The following RFX8 variants were observed in gnomAD, a reference collection of about 807,000 sequenced individuals.
The protein encoded by RFX8 is DNA-binding protein RFX8.
RFX8 carries 46 observed loss-of-function variants against 54.6 expected under a neutral mutation model. The ratio of observed to expected loss-of-function variants is 0.84; its 90% CI spans 0.67 to 1.08. The LOEUF is 1.08. RFX8 is among the 50% of genes least tolerant of loss of function. The probability of loss-of-function intolerance (pLI) is 0.00; values close to 1 mark genes in which losing one functional copy is unlikely to be tolerated. For missense variants in RFX8, 536 were observed against 562.3 expected (o/e 0.95, Z 0.47); for synonymous variants, 192 against 209.5 (o/e 0.92, Z 0.72).
intron 2 of RFX8, among the ~76,000 whole-genome samples, chr2:101,461,955 G>A (rs1028775542): frequency 6.6e-6 from 1 of 152,104 alleles, no homozygotes; most frequent in African/African-American, 2.4e-5. Context: ...ATTTGTCTAA[G>A]AATACCATGA....
intron 1 of RFX8, chr2:101,474,405 G>A (rs1375384214): frequency 1.6e-5 from 6 of 380,690 alleles, no homozygotes; most frequent in Admixed American, 1.4e-4. Flanking sequence ...GGGGGCGCGC[G>A]GGGCGCGGGG....
In RFX8 at chr2:101,439,596, C is replaced by CTTTTTTTT. The variant is rs139433618; in HGVS notation, c.73-17125_73-17124insAAAAAAAA. Among the ~76,000 whole-genome samples, 5 of 143,602 alleles carry CTTTTTTTT rather than the reference C, an allele frequency of 3.5e-5. 2 individuals are homozygous for CTTTTTTTT. The highest frequency in any genetic ancestry group is 3.0e-5 in the Non-Finnish European group (2 of 66,110). The allele number at this position is 143,602 out of a possible 152,430, so 94.2% of individuals were successfully genotyped here. On this transcript the variant is annotated intron_variant, in intron 2 of 11. Coordinates refer to ENST00000428343, the MANE Select transcript of RFX8 (RefSeq NM_001145664.2). ...ACATTATGAAGATTAGATTGAAGTT[C>CTTTTTTTT]ATTTTTTTTTTTTTGCCTGTGGGTT... is the stretch of plus-strand genomic sequence containing the variant.
chr2:101,470,693 A>C (rs1689929152), intron 1 of RFX8, among the ~76,000 whole-genome samples: 1 of 143,366 alleles, frequency 7.0e-6, no homozygotes, highest in Non-Finnish European at 1.5e-5. Context: ...AGTGCTTCAC[A>C]CGTTTTCTGA....
At chr2:101,445,474 C>A (rs1688322153) in intron 2 of RFX8, among the ~76,000 whole-genome samples, 1 of 151,964 alleles carries the variant, frequency 6.6e-6, no homozygotes, top group Non-Finnish European at 1.5e-5. Flanking sequence ...CTCACTGCAG[C>A]CTTGACCTCC....
Position 101,422,453 on chromosome 2 carries a change from A to G in RFX8, c.92T>C (p.Met31Thr), listed in dbSNP as rs948905310. The part of the protein sequence containing the change: ...TFGKCEDHSP[M>T]KTDPVGSPLS... ...AGGGGATCCAACTGGGTCTGTCTTC[A>G]TCGGTGAATGATCTTCACACTAAAA... is the stretch of plus-strand genomic sequence containing the variant. Residue 31 changes from methionine to threonine, a missense_variant, in exon 3 of 12, where the codon ATG becomes ACG. Physicochemically the swap from Met to Thr is moderately conservative, Grantham distance 81. Transcript: ENST00000428343. 1.9e-6 allele frequency: 3 copies of G among 1,547,066 alleles called. No individual in the cohort carries two copies. The highest frequency in any genetic ancestry group is 2.4e-5 in the East Asian group (1 of 40,906).
chr2:101,411,448 G>A (rs984013056), intron 8 of RFX8, among the ~76,000 whole-genome samples: 10 of 152,130 alleles, frequency 6.6e-5, no homozygotes, highest in Admixed American at 3.3e-4. Flanking sequence ...ATGCCAGTAG[G>A]AGCACAGGAG....
At chr2:101,417,160 G>C (rs940398232) in intron 6 of RFX8, among the ~76,000 whole-genome samples, 9 of 152,194 alleles carry the variant, frequency 5.9e-5, no homozygotes, top group African/African-American at 2.2e-4. Context: ...ACCACCCAGG[G>C]TGAAAGTCAG....
rs112659481 is a variant in RFX8, at chr2:101,473,185, G to T, written c.-53+1451C>A. 9.6e-3 allele frequency among the ~76,000 whole-genome samples: 1,460 copies of T among 152,270 alleles called. 26 individuals carry two copies. The highest frequency in any genetic ancestry group is 0.033 in the African/African-American group (1,390 of 41,540). On this transcript the variant is annotated intron_variant, in intron 1 of 11. Coordinates refer to ENST00000428343, the MANE Select transcript of RFX8 (RefSeq NM_001145664.2). ...CAAGCGGTCTTAGGAGGATGTTCAG[G>T]TATTTTTTAATCAGTCTCATCATTC...
At chr2:101,440,330 G>C (rs989057991) in intron 2 of RFX8, among the ~76,000 whole-genome samples, 1 of 152,166 alleles carries the variant, frequency 6.6e-6, no homozygotes, top group South Asian at 2.1e-4. Context: ...CCAGTCAACC[G>C]TTAGCTGATA....
chr2:101,421,420 C>A, intron 4 of RFX8: 1 of 1,067,516 alleles, frequency 9.4e-7, no homozygotes, highest in Non-Finnish European at 1.1e-6. Flanking sequence ...AATTTTATTA[C>A]CAACACTTTA....
At chr2:101,468,384 C>G (rs922979775) in intron 1 of RFX8, among the ~76,000 whole-genome samples, 9 of 152,212 alleles carry the variant, frequency 5.9e-5, no homozygotes, top group Admixed American at 6.5e-5. Flanking sequence ...GGCTTCACTC[C>G]AGTCCCTGCC....
intron 2 of RFX8, chr2:101,452,544 C>T: frequency 4.5e-6 from 2 of 444,324 alleles, no homozygotes; most frequent in Non-Finnish European, 7.6e-6. Context: ...TCCTTTTCCT[C>T]TTTTCTAATA....
At position 101,418,061 on chromosome 2, in the gene RFX8, T is replaced by C. The variant is rs147866948; in HGVS notation, c.352-377A>G. ...CATGCCACCACACCTGGCTCATTTT[T>C]TTGTATTTTTAGTAGAGACGGGGTT... On this transcript the variant is annotated intron_variant, in intron 5 of 11. Transcript: ENST00000428343. Among the ~76,000 whole-genome samples the C allele has an allele frequency of 4.9e-4, 75 of 152,186 alleles. 1 individual carries two copies. The East Asian group carries it at 0.014, about 28-fold the overall frequency.
intron 2 of RFX8, among the ~76,000 whole-genome samples, chr2:101,433,053 G>A (rs1573418592): frequency 6.6e-6 from 1 of 152,264 alleles, no homozygotes; most frequent in South Asian, 2.1e-4. Context: ...GGAGGGAGAA[G>A]AGCCCAGATG....
chr2:101,427,973 C>G (rs193200327), intron 2 of RFX8, among the ~76,000 whole-genome samples: 1 of 152,094 alleles, frequency 6.6e-6, no homozygotes, highest in Non-Finnish European at 1.5e-5. Flanking sequence ...TGTTATCCCC[C>G]CCGCCCCCCG....
chr2:101,403,844 G>T (rs958836594), intron 10 of RFX8, among the ~76,000 whole-genome samples: 4 of 152,198 alleles, frequency 2.6e-5, no homozygotes, highest in Non-Finnish European at 2.9e-5. Context: ...TTAATTAAAT[G>T]ATGTATTACA....
Position 101,410,706 on chromosome 2 carries a change from T to C in RFX8, c.726A>G (p.Arg242=). 1 of 1,516,948 alleles carries C rather than the reference T, an allele frequency of 6.6e-7. No individual in the cohort carries two copies. 94.0% of individuals were successfully genotyped at this position (1,516,948 alleles called of 1,614,324 possible). Residue 242 remains arginine, a synonymous_variant, in exon 9 of 12, where the codon AGA becomes AGG. Coordinates refer to ENST00000428343, the MANE Select transcript of RFX8 (RefSeq NM_001145664.2). ...LENNPEMKCL[R]NLISLLGTST... Reference sequence around the variant, plus strand: ...ATGTTCCCAGCAAAGAAATTAAGTTTCTTAAACCTACAAAGACACAAAATA... The same window carrying C: ...ATGTTCCCAGCAAAGAAATTAAGTTCCTTAAACCTACAAAGACACAAAATA...
At chr2:101,422,034 A>G (rs1686896165) in intron 3 of RFX8, among the ~76,000 whole-genome samples, 1 of 152,232 alleles carries the variant, frequency 6.6e-6, no homozygotes, top group African/African-American at 2.4e-5. Context: ...TACAAAGGCC[A>G]CCAAACTTTG....
intron 5 of RFX8, among the ~76,000 whole-genome samples, chr2:101,418,507 CA>C (rs1002397749): frequency 1.3e-5 from 2 of 152,146 alleles, no homozygotes; most frequent in African/African-American, 2.4e-5. Context: ...CAAAACAAAA[CA>C]AAACAAAAGC....
Sources: gnomAD v4.1 joint callset for allele counts (sites outside exome capture counted in the v4.1 genomes callset) on GRCh38, gnomAD v4.1.1 for gene constraint, MANE v1.5 for transcripts, NCBI Gene and HGNC (gene_info 2026-07-23, HGNC 2026-07-21) for gene names.